SBSPON: variants seen among roughly 807,000 people sequenced by gnomAD.
SBSPON encodes the protein somatomedin-B and thrombospondin type-1 domain-containing protein.
Under a neutral mutation model 35.8 loss-of-function variants are expected in SBSPON, and 30 were observed. That is an observed-to-expected ratio of 0.84 (90% CI 0.63 to 1.14). The LOEUF is 1.14. Among genes scored for constraint, SBSPON ranks in the 50% most tolerant of loss-of-function variants. The probability of loss-of-function intolerance (pLI) is 0.00; values close to 1 mark genes in which losing one functional copy is unlikely to be tolerated. For synonymous variants in SBSPON, 136 were observed against 135.9 expected (o/e 1.00, Z 0.00); for missense variants, 364 against 357.7 (o/e 1.02, Z -0.14).
chr8:73,091,568 T>G (rs997745015), intron 1 of SBSPON, among the ~76,000 whole-genome samples: 4 of 152,132 alleles, frequency 2.6e-5, no homozygotes, highest in African/African-American at 7.2e-5. Context: ...GCCGACAGTT[T>G]AGGATGCTGT....
At chr8:73,084,606 A>AT (rs1253203789) in intron 1 of SBSPON, among the ~76,000 whole-genome samples, 1 of 151,960 alleles carries the variant, frequency 6.6e-6, no homozygotes, top group Non-Finnish European at 1.5e-5. Flanking sequence ...CGTTGTACAC[A>AT]TTTTTACTCT....
chr8:73,080,328 C>T (rs1810671671), intron 2 of SBSPON, among the ~76,000 whole-genome samples: 1 of 152,074 alleles, frequency 6.6e-6, no homozygotes, highest in African/African-American at 2.4e-5. Flanking sequence ...TCCTGGCTAG[C>T]ACAGTGAAAC....
rs907821917 is a variant in SBSPON, at chr8:73,067,421, G to A, written c.715C>T (p.Arg239Trp). Reference sequence around the variant, plus strand: ...ACTTTTTTCCAAGTTCCTTGACACCGAGGATTACCAATTGCTTGCCAATGG... The same window carrying A: ...ACTTTTTTCCAAGTTCCTTGACACCAAGGATTACCAATTGCTTGCCAATGG... ...TLHWQAIGNP[R>W]CQGTWKKVRR... Residue 239 changes from arginine to tryptophan, a missense_variant, in exon 5 of 5, where the codon CGG (arginine) becomes TGG (tryptophan). Transcript: ENST00000297354. 8.1e-6 allele frequency: 13 copies of A among 1,610,498 alleles called. 1 individual carries two copies. In the Middle Eastern group the frequency reaches 6.6e-4, roughly 82 times the overall value.
chr8:73,085,462 A>G (rs565104398), intron 1 of SBSPON: 2 of 151,072 alleles, frequency 1.3e-5, no homozygotes, highest in Non-Finnish European at 2.9e-5. Context: ...TACCTTTTCT[A>G]TGCCACTCAT....
intron 4 of SBSPON, among the ~76,000 whole-genome samples, chr8:73,068,977 G>A (rs569966919): frequency 1.3e-5 from 2 of 152,306 alleles, no homozygotes; most frequent in African/African-American, 4.8e-5. Flanking sequence ...GGTTTGCATA[G>A]TGTCTGTGAC....
In SBSPON at chr8:73,071,865, CA is replaced by C; in HGVS notation, c.414del (p.Ala139ProfsTer3). The C allele has an allele frequency of 6.2e-7, 1 of 1,602,116 alleles. No individual in the cohort carries two copies. The highest frequency in any genetic ancestry group is 8.6e-7 in the Non-Finnish European group (1 of 1,169,316). On this transcript the variant is annotated frameshift_variant, in exon 3 of 5. Transcript: ENST00000297354. LOFTEE classifies it high-confidence loss of function. ...QGQDCGHTYV[P>X]AFITTSAFNK... The stretch of plus-strand genomic sequence containing the variant: ...TTGAATGCAGAGGTAGTTATAAAGG[CA>C]GGAACTGGAAAAGGGAGATTTCTGT...
chr8:73,066,669 T>C lies in SBSPON; in HGVS notation c.*672A>G, dbSNP rs1314242094. ...TCAACATTTCTTTTCATGAAAATTA[T>C]AACATTTAAAAGAACTCCCATTGAC... is the stretch of plus-strand genomic sequence containing the variant. On this transcript the variant is annotated 3_prime_UTR_variant, in exon 5 of 5. Coordinates refer to ENST00000297354, the MANE Select transcript of SBSPON (RefSeq NM_153225.4). 6.6e-6 allele frequency: 1 copy of C among 152,202 alleles called. No individual in the cohort carries two copies. Among genetic ancestry groups the C allele is most frequent in the African/African-American group, 2.4e-5 (1 of 41,454 alleles). 9.4% of individuals were successfully genotyped at this position (152,202 alleles called of 1,614,324 possible). A position where few individuals can be genotyped will look rare whatever the true frequency, so the allele number is the denominator to read the frequency against.
At chr8:73,089,883 CT>C (rs1421228718) in intron 1 of SBSPON, among the ~76,000 whole-genome samples, 1 of 151,896 alleles carries the variant, frequency 6.6e-6, no homozygotes, top group Non-Finnish European at 1.5e-5. Context: ...CCTGCCCCTA[CT>C]TTTTTTTGAG....
chr8:73,076,561 C>T (rs567349205), intron 2 of SBSPON, among the ~76,000 whole-genome samples: 43 of 151,686 alleles, frequency 2.8e-4, no homozygotes, highest in Admixed American at 8.5e-4. Context: ...GCAGGAGAAT[C>T]GCTTGAACCT....
chr8:73,068,946 G>T (rs1810442461), intron 4 of SBSPON, among the ~76,000 whole-genome samples: 1 of 152,156 alleles, frequency 6.6e-6, no homozygotes, highest in South Asian at 2.1e-4. Flanking sequence ...CATAAATAAA[G>T]TTTTGTTAGA....
intron 1 of SBSPON, 142 bp downstream of exon 1, chr8:73,092,712 A>C: frequency 1.6e-6 from 1 of 626,714 alleles, no homozygotes; most frequent in Non-Finnish European, 2.8e-6. Flanking sequence ...GCGTACCTGG[A>C]TGGCGGTGGT....
chr8:73,089,881 T>G (rs1240561103), intron 1 of SBSPON, among the ~76,000 whole-genome samples: 2 of 152,110 alleles, frequency 1.3e-5, no homozygotes, highest in East Asian at 1.9e-4. Flanking sequence ...CCCCTGCCCC[T>G]ACTTTTTTTT....
At chr8:73,069,377 T>G (rs1810449409) in intron 4 of SBSPON, among the ~76,000 whole-genome samples, 1 of 152,116 alleles carries the variant, frequency 6.6e-6, no homozygotes, top group Non-Finnish European at 1.5e-5. Context: ...CTCCGCCTCC[T>G]GGACTCAAGT....
intron 3 of SBSPON, 137 bp downstream of exon 3, chr8:73,071,643 T>A: frequency 3.3e-6 from 2 of 606,644 alleles, no homozygotes; most frequent in Non-Finnish European, 2.9e-6. Context: ...CCAACTCTGA[T>A]GAAGAGTCCA....
intron 1 of SBSPON, chr8:73,085,990 C>T (rs1165907857): frequency 1.3e-5 from 2 of 152,144 alleles, no homozygotes; most frequent in Admixed American, 1.3e-4. Context: ...TTCAAATAGT[C>T]CTAATCATTC....
Position 73,075,805 on chromosome 8 carries a change from G to C in SBSPON, c.410-3935C>G, listed in dbSNP as rs553662708. On this transcript the variant is annotated intron_variant, in intron 2 of 4. Transcript: ENST00000297354. Reference sequence around the variant, plus strand: ...AATAATATCTACCTAGAGGCATATGGTTTATAATAATGCACATTGATCTCC... The same window carrying C: ...AATAATATCTACCTAGAGGCATATGCTTTATAATAATGCACATTGATCTCC... 1.2e-4 allele frequency: 112 copies of C among 904,964 alleles called. No homozygotes were observed. The African/African-American group carries it at 1.8e-3, about 14-fold the overall frequency. The allele number at this position is 904,964 out of a possible 1,614,324, so 56.1% of individuals were successfully genotyped here.
At chr8:73,092,564 C>A (rs72655860) in intron 1 of SBSPON, among the ~76,000 whole-genome samples, 3,636 of 152,242 alleles carry the variant, frequency 0.024, 64 homozygotes, top group South Asian at 0.052. Flanking sequence ...TCGGAGATTT[C>A]GTCTCTCGGC....
rs142046599 is a variant in SBSPON at position 73,081,350 on chromosome 8, C to T, written c.215-137G>A. 1.2e-4 allele frequency: 75 copies of T among 634,100 alleles called. No individual in the cohort carries two copies. The African/African-American group carries it at 1.3e-3, about 11-fold the overall frequency. 39.3% of individuals were successfully genotyped at this position (634,100 alleles called of 1,614,324 possible). On this transcript the variant is annotated intron_variant, in intron 1 of 4. Transcript: ENST00000297354. ...CAGGCCCTGTATCAGGAGACGCACA[C>T]AAAGCCTCAGCAGGTCCCAGATGAC...
chr8:73,071,029 T>C (rs898441986), intron 3 of SBSPON, among the ~76,000 whole-genome samples: 3 of 152,174 alleles, frequency 2.0e-5, no homozygotes, highest in African/African-American at 7.2e-5. Context: ...AAAAAGTATT[T>C]ATTTTTCATA....
Sources: allele counts gnomAD v4.1 joint callset (sites outside exome capture counted in the v4.1 genomes callset), GRCh38; gene constraint gnomAD v4.1.1; transcripts MANE v1.5; gene names NCBI Gene and HGNC (gene_info 2026-07-23, HGNC 2026-07-21).